The following LRRC4C variants were observed in gnomAD, a reference collection of about 807,000 sequenced individuals.
LRRC4C encodes the protein leucine rich repeat containing 4C.
Under a neutral mutation model 33.6 loss-of-function variants are expected in LRRC4C, and 5 were observed. That is an observed-to-expected ratio of 0.15 (90% CI 0.08 to 0.31). The LOEUF is 0.31. LRRC4C is among the 10% of genes least tolerant of loss of function. The probability of loss-of-function intolerance (pLI) is 1.00; values close to 1 mark genes in which losing one functional copy is unlikely to be tolerated. For synonymous variants in LRRC4C, 329 were observed against 302.0 expected, an observed-to-expected ratio of 1.09 and a Z score of -0.93; for missense variants, 560 against 796.7, an observed-to-expected ratio of 0.70 and a Z score of 3.58.
At chr11:41,020,762 C>A (rs1378451348) in intron 1 of LRRC4C, among the ~76,000 whole-genome samples, 1 of 151,530 alleles carries the variant, frequency 6.6e-6, no homozygotes, top group Admixed American at 6.6e-5. Context: ...TGTGCTTAAC[C>A]CTATCTCACT....
chr11:40,219,973 C>A (rs1043317281), intron 5 of LRRC4C, among the ~76,000 whole-genome samples: 1 of 152,168 alleles, frequency 6.6e-6, no homozygotes, highest in African/African-American at 2.4e-5. Context: ...TTTTTACAAC[C>A]TGTATGCATC....
intron 3 of LRRC4C, among the ~76,000 whole-genome samples, chr11:40,511,983 T>C (rs1029275783): frequency 6.6e-5 from 10 of 152,284 alleles, no homozygotes; most frequent in Non-Finnish European, 1.3e-4. Flanking sequence ...TAGAGAATGA[T>C]ACTTCGTTTT....
At chr11:40,760,951 C>A (rs1325862810) in intron 2 of LRRC4C, among the ~76,000 whole-genome samples, 1 of 149,286 alleles carries the variant, frequency 6.7e-6, no homozygotes, top group Non-Finnish European at 1.5e-5. Flanking sequence ...AACTCCTGAC[C>A]CCAAGCAATC....
At chr11:40,367,718 C>T (rs1407605428) in intron 3 of LRRC4C, among the ~76,000 whole-genome samples, 1 of 152,048 alleles carries the variant, frequency 6.6e-6, no homozygotes. Context: ...GTCATATTGT[C>T]AAGAGGCCTT....
intron 4 of LRRC4C, among the ~76,000 whole-genome samples, chr11:40,252,933 G>T (rs566486975): frequency 6.7e-4 from 102 of 152,264 alleles, no homozygotes; most frequent in African/African-American, 2.2e-3. Context: ...CAGACCTAAA[G>T]TCTCTCCCCA....
chr11:40,411,549 T>A (rs1205933427), intron 3 of LRRC4C, among the ~76,000 whole-genome samples: 1 of 152,078 alleles, frequency 6.6e-6, no homozygotes, highest in African/African-American at 2.4e-5. Flanking sequence ...TCCTAACTGT[T>A]TCTACATCAG....
intron 2 of LRRC4C, among the ~76,000 whole-genome samples, chr11:40,709,512 T>C (rs1435373309): frequency 1.3e-5 from 2 of 152,192 alleles, no homozygotes; most frequent in East Asian, 3.9e-4. Flanking sequence ...TTCTTTTCTT[T>C]AAGAATGTTG....
intron 3 of LRRC4C, among the ~76,000 whole-genome samples, chr11:40,489,053 C>G (rs796121187): frequency 2.0e-4 from 30 of 152,202 alleles, no homozygotes; most frequent in African/African-American, 6.5e-4. Flanking sequence ...GAAAAGGTCC[C>G]TTCTCTATCG....
intron 4 of LRRC4C, among the ~76,000 whole-genome samples, chr11:40,286,971 A>G (rs1328814549): frequency 6.6e-6 from 1 of 152,138 alleles, no homozygotes; most frequent in Non-Finnish European, 1.5e-5. Flanking sequence ...CCACATTTTA[A>G]TAACTAGTTT....
At chr11:40,326,180 T>A (rs966714071) in intron 3 of LRRC4C, among the ~76,000 whole-genome samples, 3 of 152,122 alleles carry the variant, frequency 2.0e-5, no homozygotes. Flanking sequence ...CAAAATTAAG[T>A]CAGTGACTTA....
chr11:40,716,242 G>A (rs1409840903), intron 2 of LRRC4C, among the ~76,000 whole-genome samples: 1 of 152,068 alleles, frequency 6.6e-6, no homozygotes, highest in East Asian at 1.9e-4. Flanking sequence ...CCATGTGCAA[G>A]GTCCTTAGGG....
intron 3 of LRRC4C, among the ~76,000 whole-genome samples, chr11:40,593,033 A>G (rs2135748854): frequency 6.6e-6 from 1 of 152,336 alleles, no homozygotes; most frequent in Admixed American, 6.5e-5. Flanking sequence ...TAAATTTACT[A>G]ATCAATACAA....
chr11:41,071,057 A>T (rs1396082716), intron 1 of LRRC4C, among the ~76,000 whole-genome samples: 1 of 152,214 alleles, frequency 6.6e-6, no homozygotes, highest in Non-Finnish European at 1.5e-5. Flanking sequence ...TACACCATGG[A>T]ATACTACACA....
chr11:41,280,680 A>G (rs11036337), intron 1 of LRRC4C, among the ~76,000 whole-genome samples: 24,362 of 152,168 alleles, frequency 0.16, 2,628 homozygotes, highest in East Asian at 0.43. Flanking sequence ...TATGCATATT[A>G]TTGTTCTCTC....
At chr11:40,255,644 C>T (rs1867148123) in intron 4 of LRRC4C, among the ~76,000 whole-genome samples, 1 of 152,134 alleles carries the variant, frequency 6.6e-6, no homozygotes, top group African/African-American at 2.4e-5. Flanking sequence ...CTCCTGCAGG[C>T]TACTCTGCCT....
At chr11:40,735,329 A>T (rs1366578710) in intron 2 of LRRC4C, among the ~76,000 whole-genome samples, 1 of 147,654 alleles carries the variant, frequency 6.8e-6, no homozygotes, top group Non-Finnish European at 1.5e-5. Context: ...ACCCCACAAC[A>T]GTCCCCAGAG....
At chr11:40,505,444 A>C (rs769403767) in intron 3 of LRRC4C, among the ~76,000 whole-genome samples, 1 of 152,186 alleles carries the variant, frequency 6.6e-6, no homozygotes, top group Non-Finnish European at 1.5e-5. Flanking sequence ...ATGTCATCAG[A>C]CAGGATTGAA....
Position 40,208,637 on chromosome 11 carries a change from T to A in LRRC4C, c.-96+32882A>T, listed in dbSNP as rs76661366. Reference sequence around the variant, plus strand: ...AATGTCTGGTGCTTATATATCCCTGTTAGTATGAATATTCATTTATTTTGC... The same window carrying A: ...AATGTCTGGTGCTTATATATCCCTGATAGTATGAATATTCATTTATTTTGC... On this transcript the variant is annotated intron_variant, in intron 5 of 6. Coordinates refer to ENST00000528697, the MANE Select transcript of LRRC4C (RefSeq NM_001258419.2). Among the ~76,000 whole-genome samples, 1,496 of 152,292 alleles carry A rather than the reference T, an allele frequency of 9.8e-3. 21 individuals carry two copies. Among genetic ancestry groups the A allele is most frequent in the African/African-American group, 0.034 (1,419 of 41,548 alleles).
At chr11:40,145,007 G>A (rs903330485) in intron 5 of LRRC4C, among the ~76,000 whole-genome samples, 1 of 152,132 alleles carries the variant, frequency 6.6e-6, no homozygotes, top group Non-Finnish European at 1.5e-5. Context: ...TTTCCAACTC[G>A]TACTTGCTTG....
Sources: gnomAD v4.1 joint callset for allele counts (sites outside exome capture counted in the v4.1 genomes callset) on GRCh38, gnomAD v4.1.1 for gene constraint, MANE v1.5 for transcripts, NCBI Gene and HGNC (gene_info 2026-07-23, HGNC 2026-07-21) for gene names.